The following PABIR3 variants were observed in gnomAD, a reference collection of about 807,000 sequenced individuals.
PABIR3 encodes the protein PABIR family member 1.
PABIR3 carries 20 observed loss-of-function variants against 23.1 expected under a neutral mutation model. The observed-to-expected ratio is 0.86, with a 90% CI of 0.61 to 1.26. PABIR3 has a LOEUF of 1.26. PABIR3 is among the 50% of genes most tolerant of loss of function. The pLI is 0.00. For missense variants in PABIR3, 189 were observed against 195.4 expected (o/e 0.97, Z 0.20); for synonymous variants, 69 against 68.5 (o/e 1.01, Z -0.04).
At chrX:134,846,453 T>A (rs2082439153) in intron 6 of PABIR3, among the ~76,000 whole-genome samples, 1 of 112,274 alleles carries the variant, frequency 8.9e-6, no homozygotes, top group Admixed American at 9.5e-5. Flanking sequence ...GTGCACACTG[T>A]GGTTACCTAG....
At chrX:134,821,244 TAAAA>T (rs34486506) in intron 3 of PABIR3, 1,017 of 565,114 alleles carry the variant, frequency 1.8e-3, no homozygotes, top group East Asian at 2.5e-3. Flanking sequence ...CCAAGCATTG[TAAAA>T]AAAAAAAAAA....
Position 134,845,946 on chromosome X carries a change from T to C in PABIR3, c.345+545T>C, listed in dbSNP as rs375388303. Among the ~76,000 whole-genome samples the C allele has an allele frequency of 1.5e-3, 163 of 111,919 alleles. 1 individual carries two copies. The highest frequency in any genetic ancestry group is 5.1e-3 in the African/African-American group (158 of 30,862). On this transcript the variant is annotated intron_variant, in intron 6 of 10. Transcript: ENST00000645433. ...GAGTCTTAAACCACAGACAATAGAC[T>C]CTCTAGAAAATTATTGCATTTTTAT...
intron 2 of PABIR3, chrX:134,811,102 T>C (rs1373607017): frequency 3.6e-5 from 27 of 746,783 alleles, no homozygotes; most frequent in Non-Finnish European, 4.3e-5. Flanking sequence ...ATATCAACTC[T>C]TTAATACAGT....
At chrX:134,827,421 C>T (rs1156312072) in intron 3 of PABIR3, among the ~76,000 whole-genome samples, 1 of 111,000 alleles carries the variant, frequency 9.0e-6, no homozygotes, top group Admixed American at 9.7e-5. Context: ...ACCTCCTTCT[C>T]TTCACTCTCC....
In PABIR3 at chrX:134,829,424, A is replaced by C. The variant is rs12837793; in HGVS notation, c.246+142A>C. ...TTATTTCTAGGAATGATTTCTTCAA[A>C]AAAAAAACAAAACTAAGAAGCACTT... On this transcript the variant is annotated intron_variant, in intron 4 of 10. Coordinates refer to ENST00000645433, the MANE Select transcript of PABIR3 (RefSeq NM_001388447.1). 2.6e-3 allele frequency: 1,285 copies of C among 500,631 alleles called. 1 individual carries two copies. The highest frequency in any genetic ancestry group is 3.5e-3 in the Non-Finnish European group (1,096 of 315,952). 41.3% of individuals were successfully genotyped at this position (500,631 alleles called of 1,213,427 possible).
intron 3 of PABIR3, among the ~76,000 whole-genome samples, chrX:134,816,565 A>T (rs1228020265): frequency 9.1e-6 from 1 of 110,255 alleles, no homozygotes; most frequent in African/African-American, 3.3e-5. Flanking sequence ...CAGGTGATCC[A>T]CCCGCCTTGG....
intron 4 of PABIR3, among the ~76,000 whole-genome samples, chrX:134,836,799 T>G (rs1051477675): frequency 3.6e-5 from 4 of 111,777 alleles, no homozygotes; most frequent in African/African-American, 1.3e-4. Flanking sequence ...CTGCTCACAG[T>G]TTTTTGTTAT....
chrX:134,852,756 CAT>C, intron 9 of PABIR3, 42 bp from the exon 10 acceptor site: 2 of 746,301 alleles, frequency 2.7e-6, no homozygotes, highest in Non-Finnish European at 3.6e-6. Flanking sequence ...TAATAATAAA[CAT>C]GTTAAATAAA....
In PABIR3 at chrX:134,814,730, A is replaced by G. The variant is rs370844903; in HGVS notation, c.111-41A>G. 10 of 953,945 alleles carry G rather than the reference A, an allele frequency of 1.0e-5. No homozygotes were observed. In the African/African-American group the frequency reaches 1.8e-4, roughly 17 times the overall value. The allele number at this position is 953,945 out of a possible 1,213,427, so 78.6% of individuals were successfully genotyped here. ...AAAAAAAAAAAAAAAAGAATTTTGT[A>G]ATGGATTTTATATAACACATGTTTT... On this transcript the variant is annotated intron_variant, in intron 2 of 10. Transcript: ENST00000645433.
upstream of PABIR3, among the ~76,000 whole-genome samples, chrX:134,805,950 T>G (rs2080212516): frequency 8.9e-6 from 1 of 112,160 alleles, no homozygotes. Context: ...ATGACTATTT[T>G]AATTAATAAC....
chrX:134,796,498 T>G (rs1603097993), upstream of PABIR3: 7 of 210,204 alleles, frequency 3.3e-5, no homozygotes, highest in East Asian at 1.7e-4. Flanking sequence ...GAAAGAAGGA[T>G]GGAGGGAAAA....
intron 1 of PABIR3, among the ~76,000 whole-genome samples, chrX:134,799,494 T>A (rs2080002933): frequency 8.9e-6 from 1 of 112,554 alleles, no homozygotes; most frequent in Non-Finnish European, 1.9e-5. Context: ...ATAACCAACT[T>A]AAACACATAG....
chrX:134,798,696 T>C (rs971491132), intron 1 of PABIR3, among the ~76,000 whole-genome samples: 15 of 112,002 alleles, frequency 1.3e-4, no homozygotes, highest in Non-Finnish European at 5.6e-5. Context: ...TTGTCCCAGA[T>C]TGTGGGACTT....
Position 134,854,293 on chromosome X carries a change from A to C in PABIR3, c.*76A>C, listed in dbSNP as rs2082730246. 1 of 1,065,010 alleles carries C rather than the reference A, an allele frequency of 9.4e-7. No homozygotes were observed. Among genetic ancestry groups the C allele is most frequent in the Admixed American group, 2.8e-5 (1 of 35,770 alleles). 87.8% of individuals were successfully genotyped at this position (1,065,010 alleles called of 1,213,427 possible). A position where few individuals can be genotyped will look rare whatever the true frequency, so the allele number is the denominator to read the frequency against. On this transcript the variant is annotated 3_prime_UTR_variant, in exon 11 of 11. Transcript: ENST00000645433. ...GTGGAGAAACACACACATCAAGCAA[A>C]CCAAGTCAGAGCAATGAGAATTGTA...
intron 2 of PABIR3, chrX:134,810,069 A>G: frequency 1.3e-6 from 1 of 754,062 alleles, no homozygotes; most frequent in Non-Finnish European, 1.6e-6. Context: ...AGTAGAAGAG[A>G]GCAGTAGGGA....
chrX:134,807,226 T>C, upstream of PABIR3: 1 of 839,702 alleles, frequency 1.2e-6, no homozygotes. Flanking sequence ...AGGCGGCAGA[T>C]TGTAGTTTTT....
chrX:134,858,700 C>T (rs747555945), downstream of PABIR3, among the ~76,000 whole-genome samples: 43 of 111,766 alleles, frequency 3.8e-4, no homozygotes, highest in African/African-American at 1.4e-3. Context: ...ATAAGTACCC[C>T]AGCAAATACG....
intron 4 of PABIR3, chrX:134,833,258 C>T (rs2081869538): frequency 9.0e-6 from 1 of 111,668 alleles, no homozygotes; most frequent in Non-Finnish European, 1.9e-5. Context: ...ACATTTTGTA[C>T]ATCCTTTTTC....
At chrX:134,829,950 A>T (rs1469872225) in intron 4 of PABIR3, among the ~76,000 whole-genome samples, 2 of 112,502 alleles carry the variant, frequency 1.8e-5, no homozygotes, top group African/African-American at 6.5e-5. Context: ...AGCTACAAGC[A>T]GACATTTTTT....
Sources: allele counts gnomAD v4.1 joint callset (sites outside exome capture counted in the v4.1 genomes callset), GRCh38; gene constraint gnomAD v4.1.1; transcripts MANE v1.5; gene names NCBI Gene and HGNC (gene_info 2026-07-23, HGNC 2026-07-21).